The following TTC27 variants were observed in gnomAD, a reference collection of about 807,000 sequenced individuals.
TTC27 encodes the protein tetratricopeptide repeat protein 27.
TTC27 carries 79 observed loss-of-function variants against 115.9 expected under a neutral mutation model. That is an observed-to-expected ratio of 0.68 (90% CI 0.57 to 0.82). The LOEUF is 0.82. TTC27 is among the 40% of genes least tolerant of loss of function. The pLI, the probability that TTC27 is intolerant of heterozygous loss-of-function variation, is 0.00. For synonymous variants in TTC27, 401 were observed against 356.0 expected (o/e 1.13, Z -1.42); for missense variants, 1,054 against 993.1 (o/e 1.06, Z -0.82).
At chr2:32,680,386 T>C (rs751065957) in intron 9 of TTC27, among the ~76,000 whole-genome samples, 4 of 152,196 alleles carry the variant, frequency 2.6e-5, no homozygotes, top group Non-Finnish European at 1.5e-5. Flanking sequence ...AAATAAAGCC[T>C]TTTTTGTTCT....
chr2:32,765,961 A>C (rs920443929), intron 13 of TTC27, among the ~76,000 whole-genome samples: 1 of 152,138 alleles, frequency 6.6e-6, no homozygotes, highest in African/African-American at 2.4e-5. Context: ...TATCTAGACC[A>C]CTCAGACTTT....
chr2:32,663,780 G>A (rs1211871936), intron 5 of TTC27, among the ~76,000 whole-genome samples: 1 of 152,074 alleles, frequency 6.6e-6, no homozygotes, highest in Non-Finnish European at 1.5e-5. Flanking sequence ...TGCCTCTTGG[G>A]TTGAAGCGAT....
intron 14 of TTC27, 32 bp downstream of exon 14, chr2:32,778,012 G>A (rs1261553386): frequency 6.3e-7 from 1 of 1,598,462 alleles, no homozygotes. Flanking sequence ...TCCTTACGTG[G>A]CTCTTTACTC....
chr2:32,812,121 A>T (rs1165399756), intron 17 of TTC27, among the ~76,000 whole-genome samples: 1 of 152,240 alleles, frequency 6.6e-6, no homozygotes, highest in African/African-American at 2.4e-5. Context: ...TGCATTAAAC[A>T]TCTGTGAGAT....
chr2:32,630,494 G>T, intron 1 of TTC27, 29 bp from the exon 2 acceptor site: 3 of 1,543,646 alleles, frequency 1.9e-6, no homozygotes, highest in South Asian at 2.5e-5. Context: ...ATTTTTTTTG[G>T]ATTACCGCAC....
chr2:32,771,404 G>A (rs952573541), intron 13 of TTC27, among the ~76,000 whole-genome samples: 23 of 152,138 alleles, frequency 1.5e-4, no homozygotes, highest in African/African-American at 5.6e-4. Context: ...ACATGCAGAT[G>A]ACATATAAAC....
chr2:32,726,367 C>T (rs1391262973), intron 10 of TTC27, among the ~76,000 whole-genome samples: 3 of 152,326 alleles, frequency 2.0e-5, no homozygotes, highest in African/African-American at 7.2e-5. Flanking sequence ...GAATGCTTTG[C>T]TGCTTAGAAG....
At chr2:32,738,699 A>C (rs1459919546) in intron 12 of TTC27, among the ~76,000 whole-genome samples, 1 of 152,274 alleles carries the variant, frequency 6.6e-6, no homozygotes, top group Non-Finnish European at 1.5e-5. Context: ...GAATACAGAG[A>C]AAAAGACAGA....
At chr2:32,671,484 GTAGC>G in intron 7 of TTC27, among the ~76,000 whole-genome samples, 1 of 152,122 alleles carries the variant, frequency 6.6e-6, no homozygotes, top group East Asian at 1.9e-4. Context: ...AAACACCTAG[GTAGC>G]TATATTGAAA....
Position 32,758,532 on chromosome 2 carries a change from A to C in TTC27, c.1680+13A>C. The C allele has an allele frequency of 4.0e-5, 65 of 1,609,346 alleles. No homozygotes were observed. The highest frequency in any genetic ancestry group is 5.2e-5 in the Non-Finnish European group (61 of 1,175,768). The stretch of plus-strand genomic sequence containing the variant: ...TAATCCCATGCAGGTTAGACAACTC[A>C]TAACCCCCTGCTGCTCTCAGCGCTT... On this transcript the variant is annotated intron_variant, in intron 13 of 19. Coordinates refer to ENST00000317907, the MANE Select transcript of TTC27 (RefSeq NM_017735.5).
intron 16 of TTC27, among the ~76,000 whole-genome samples, chr2:32,797,584 A>C (rs1210307961): frequency 1.3e-5 from 2 of 152,210 alleles, no homozygotes; most frequent in Non-Finnish European, 2.9e-5. Flanking sequence ...TTGGACCCTT[A>C]CCTAACACTG....
chr2:32,801,319 G>T (rs900290363), intron 16 of TTC27, among the ~76,000 whole-genome samples: 1 of 152,114 alleles, frequency 6.6e-6, no homozygotes, highest in African/African-American at 2.4e-5. Context: ...GTGTTGACTT[G>T]GCCATGTTCC....
intron 9 of TTC27, among the ~76,000 whole-genome samples, chr2:32,692,686 A>G (rs1342954387): frequency 6.6e-6 from 1 of 152,136 alleles, no homozygotes; most frequent in Non-Finnish European, 1.5e-5. Flanking sequence ...TATACTAAAA[A>G]TCTGGTGGGG....
chr2:32,662,482 C>T (rs1665586250), intron 5 of TTC27, among the ~76,000 whole-genome samples: 1 of 152,104 alleles, frequency 6.6e-6, no homozygotes, highest in Non-Finnish European at 1.5e-5. Context: ...TGACTTCTTC[C>T]TGGTTTAGTC....
intron 8 of TTC27, among the ~76,000 whole-genome samples, chr2:32,675,711 C>T (rs950887914): frequency 6.6e-6 from 1 of 152,002 alleles, no homozygotes; most frequent in African/African-American, 2.4e-5. Context: ...TGGTCGCTAA[C>T]CCCCATGAAG....
intron 5 of TTC27, among the ~76,000 whole-genome samples, chr2:32,654,517 G>A (rs1383643808): frequency 6.6e-6 from 1 of 151,872 alleles, no homozygotes; most frequent in African/African-American, 2.4e-5. Context: ...TGATTAACAG[G>A]GTATAGCATT....
intron 10 of TTC27, among the ~76,000 whole-genome samples, chr2:32,706,354 A>G (rs1667369022): frequency 6.6e-6 from 1 of 151,856 alleles, no homozygotes; most frequent in Non-Finnish European, 1.5e-5. Flanking sequence ...AAATGTTGAG[A>G]TTACAGGCAT....
intron 9 of TTC27, among the ~76,000 whole-genome samples, chr2:32,689,888 A>G (rs1666755268): frequency 6.6e-6 from 1 of 152,232 alleles, no homozygotes. Context: ...GTGTTAATCA[A>G]TATAAAAATA....
Position 32,650,253 on chromosome 2 carries a change from T to C in TTC27, c.640+20T>C. 3 of 1,592,120 alleles carry C rather than the reference T, an allele frequency of 1.9e-6. No homozygotes were observed. Among genetic ancestry groups the C allele is most frequent in the East Asian group, 2.2e-5 (1 of 44,758 alleles). ...ATCAAGGTATGTAGCAGATTTTTGTTTGATATGGGCATGTAGCTCAGTTCT... is the reference window on the plus strand; with the variant it reads ...ATCAAGGTATGTAGCAGATTTTTGTCTGATATGGGCATGTAGCTCAGTTCT... On this transcript the variant is annotated intron_variant, in intron 5 of 19. Coordinates refer to ENST00000317907, the MANE Select transcript of TTC27 (RefSeq NM_017735.5).
Sources: allele counts gnomAD v4.1 joint callset (sites outside exome capture counted in the v4.1 genomes callset), GRCh38; gene constraint gnomAD v4.1.1; transcripts MANE v1.5; gene names NCBI Gene and HGNC (gene_info 2026-07-23, HGNC 2026-07-21).